The following ADAM12 variants were observed in gnomAD, a reference collection of about 807,000 sequenced individuals.
ADAM12 encodes the protein ADAM metallopeptidase domain 12, also known as disintegrin and metalloproteinase domain-containing protein 12.
In ADAM12, 70 loss-of-function variants were observed where a neutral mutation model predicts 106.4. The observed-to-expected ratio is 0.66, with a 90% CI of 0.54 to 0.80. ADAM12 has a LOEUF of 0.80. Ranked by LOEUF, ADAM12 falls within the 30% of genes least tolerant of loss-of-function variation. ADAM12 has a pLI of 0.00. For missense variants in ADAM12, 1,010 were observed against 1,171.9 expected, an observed-to-expected ratio of 0.86 and a Z score of 2.02; for synonymous variants, 420 against 433.5, an observed-to-expected ratio of 0.97 and a Z score of 0.39.
At chr10:126,230,214 A>T (rs1252667567) in intron 3 of ADAM12, among the ~76,000 whole-genome samples, 1 of 152,154 alleles carries the variant, frequency 6.6e-6, no homozygotes, top group Non-Finnish European at 1.5e-5. Context: ...TGTACCTCAG[A>T]TGCAGGGTAC....
rs1953666312 is a variant in ADAM12, at chr10:126,016,631, G to A, written c.*648C>T. On this transcript the variant is annotated 3_prime_UTR_variant, in exon 23 of 23. Coordinates refer to ENST00000448723, the MANE Select transcript of ADAM12 (RefSeq NM_001288973.2). Reference sequence around the variant, plus strand: ...GTCTAGTGTTCCAGTCTCTATCCTGGTGTGGCTACACCTTAAGATTCCTGT... The same window carrying A: ...GTCTAGTGTTCCAGTCTCTATCCTGATGTGGCTACACCTTAAGATTCCTGT... The A allele has an allele frequency of 6.6e-6, 1 of 152,312 alleles. No individual in the cohort carries two copies. Among genetic ancestry groups the A allele is most frequent in the Admixed American group, 6.5e-5 (1 of 15,274 alleles). 9.4% of individuals were successfully genotyped at this position (152,312 alleles called of 1,614,324 possible).
chr10:126,047,845 A>G (rs1367836994), intron 16 of ADAM12, among the ~76,000 whole-genome samples: 1 of 152,240 alleles, frequency 6.6e-6, no homozygotes, highest in Non-Finnish European at 1.5e-5. Context: ...ATGCACTCAT[A>G]TGTTCATTGC....
At chr10:126,195,994 C>A (rs896886460) in intron 3 of ADAM12, among the ~76,000 whole-genome samples, 4 of 152,170 alleles carry the variant, frequency 2.6e-5, no homozygotes, top group South Asian at 2.1e-4. Flanking sequence ...CTCCAGGGGC[C>A]TGTTTCTTAT....
At position 126,199,878 on chromosome 10, in the gene ADAM12, G is replaced by A. The variant is rs1957666564; in HGVS notation, c.261-44573C>T. ...TGTTCTATTAACAAACATAGACAGT[G>A]TGCACCTGATCAAAGCAATGCTTTT... On this transcript the variant is annotated intron_variant, in intron 3 of 22. Transcript: ENST00000448723. Among the ~76,000 whole-genome samples, 5 of 152,254 alleles carry A rather than the reference G, an allele frequency of 3.3e-5. No homozygotes were observed. In the South Asian group the frequency reaches 1.0e-3, roughly 32 times the overall value.
intron 8 of ADAM12, among the ~76,000 whole-genome samples, chr10:126,107,969 G>A (rs1955805043): frequency 6.6e-6 from 1 of 152,192 alleles, no homozygotes; most frequent in Non-Finnish European, 1.5e-5. Context: ...AGTGTGAGGA[G>A]CGGTTAGTGA....
At chr10:126,101,338 TG>T in intron 8 of ADAM12, 97 bp from the exon 9 acceptor site, 1 of 1,223,438 alleles carries the variant, frequency 8.2e-7, no homozygotes, top group South Asian at 1.5e-5. Flanking sequence ...TGAGGGTCAC[TG>T]ACACAGGTGA....
intron 3 of ADAM12, among the ~76,000 whole-genome samples, chr10:126,208,867 T>TC (rs397712765): frequency 6.6e-6 from 1 of 151,716 alleles, no homozygotes; most frequent in African/African-American, 2.4e-5. Context: ...TTTTTTTTTT[T>TC]CCTGTTACCA....
chr10:126,309,612 G>C (rs199708629), intron 2 of ADAM12, among the ~76,000 whole-genome samples: 2 of 152,182 alleles, frequency 1.3e-5, no homozygotes, highest in African/African-American at 4.8e-5. Context: ...TAAAATTAAA[G>C]TGCTCCTATT....
chr10:126,229,294 C>A (rs117021916), intron 3 of ADAM12, among the ~76,000 whole-genome samples: 1 of 152,110 alleles, frequency 6.6e-6, no homozygotes, highest in Admixed American at 6.5e-5. Flanking sequence ...TGAGAAAAAG[C>A]CTGTAGGAAC....
At chr10:126,258,953 C>A (rs886560471) in intron 3 of ADAM12, among the ~76,000 whole-genome samples, 1 of 152,228 alleles carries the variant, frequency 6.6e-6, no homozygotes, top group African/African-American at 2.4e-5. Flanking sequence ...CTGTTTCCCC[C>A]CTGTTCCCTA....
intron 2 of ADAM12, among the ~76,000 whole-genome samples, chr10:126,291,753 T>A (rs1960159011): frequency 6.6e-6 from 1 of 152,112 alleles, no homozygotes; most frequent in Non-Finnish European, 1.5e-5. Flanking sequence ...GATGCAGCTC[T>A]GGGATTGAGG....
chr10:126,084,449 G>A (rs1002925091), intron 11 of ADAM12, among the ~76,000 whole-genome samples: 2 of 152,138 alleles, frequency 1.3e-5, no homozygotes, highest in African/African-American at 4.8e-5. Flanking sequence ...GCAGACTCTC[G>A]TAGACATGGA....
At chr10:126,133,652 C>CT (rs146561226) in intron 5 of ADAM12, among the ~76,000 whole-genome samples, 4,621 of 152,242 alleles carry the variant, frequency 0.03, 233 homozygotes, top group African/African-American at 0.11. Flanking sequence ...GCACCCATCA[C>CT]TGGGGGGGAG....
At chr10:126,263,277 T>C (rs1959036246) in intron 3 of ADAM12, among the ~76,000 whole-genome samples, 1 of 152,118 alleles carries the variant, frequency 6.6e-6, no homozygotes, top group Admixed American at 6.5e-5. Flanking sequence ...AGAGTGGAAA[T>C]GGAGCCCCAG....
chr10:126,285,467 G>C (rs4019518), intron 2 of ADAM12, among the ~76,000 whole-genome samples: 101,393 of 152,124 alleles, frequency 0.67, 34,428 homozygotes, highest in Non-Finnish European at 0.74. Context: ...TTGTGTGTAA[G>C]TGTATTATGG....
At chr10:126,168,824 G>T (rs889895813) in intron 3 of ADAM12, among the ~76,000 whole-genome samples, 1 of 152,068 alleles carries the variant, frequency 6.6e-6, no homozygotes, top group East Asian at 1.9e-4. Flanking sequence ...AGGCTGAGGC[G>T]GGCGGATCAC....
chr10:126,320,165 T>A (rs1334504930), intron 2 of ADAM12, among the ~76,000 whole-genome samples: 5 of 152,214 alleles, frequency 3.3e-5, no homozygotes, highest in African/African-American at 1.2e-4. Flanking sequence ...AAATTTAAAT[T>A]CATTTAGTTT....
chr10:126,380,690 T>C (rs528745611), intron 1 of ADAM12, among the ~76,000 whole-genome samples: 29 of 152,272 alleles, frequency 1.9e-4, no homozygotes, highest in African/African-American at 6.5e-4. Flanking sequence ...CTATGAAAAA[T>C]GCACAGCAAC....
At chr10:126,197,688 C>T (rs963754065) in intron 3 of ADAM12, among the ~76,000 whole-genome samples, 1 of 152,200 alleles carries the variant, frequency 6.6e-6, no homozygotes, top group African/African-American at 2.4e-5. Flanking sequence ...CATGCAGGAG[C>T]CTGCCTGGCT....
Sources: gnomAD v4.1 joint callset for allele counts (sites outside exome capture counted in the v4.1 genomes callset) on GRCh38, gnomAD v4.1.1 for gene constraint, MANE v1.5 for transcripts, NCBI Gene and HGNC (gene_info 2026-07-23, HGNC 2026-07-21) for gene names.